The following SPNS3 variants were observed in gnomAD, a reference collection of about 807,000 sequenced individuals.
The protein encoded by SPNS3 is SPNS lysolipid transporter 3, sphingosine-1-phosphate (putative).
SPNS3 carries 51 observed loss-of-function variants against 54.4 expected under a neutral mutation model. That is an observed-to-expected ratio of 0.94 (90% CI 0.75 to 1.18). The LOEUF is 1.18. Ranked by LOEUF, SPNS3 falls within the 50% of genes most tolerant of loss-of-function variation. The pLI is 0.00. For missense variants in SPNS3, 669 were observed against 677.4 expected, an observed-to-expected ratio of 0.99 and a Z score of 0.14; for synonymous variants, 309 against 294.7, an observed-to-expected ratio of 1.05 and a Z score of -0.50.
chr17:4,452,866 G>A, intron 7 of SPNS3, 150 bp from the exon 8 acceptor site: 2 of 683,420 alleles, frequency 2.9e-6, no homozygotes, highest in Non-Finnish European at 4.9e-6. Flanking sequence ...GTAAGGTTCT[G>A]GGTCAGGTCA....
chr17:4,444,935 G>C, intron 2 of SPNS3, 97 bp from the exon 3 acceptor site: 1 of 1,405,090 alleles, frequency 7.1e-7, no homozygotes, highest in Non-Finnish European at 9.7e-7. Context: ...ATGCCAGCTT[G>C]TGGCATCTGA....
intron 4 of SPNS3, 23 bp downstream of exon 4, chr17:4,446,222 C>A: frequency 6.3e-7 from 1 of 1,593,296 alleles, no homozygotes; most frequent in Non-Finnish European, 8.6e-7. Flanking sequence ...CGTGGGTCTA[C>A]TTCCCCAGGT....
In SPNS3 at chr17:4,453,117, C is replaced by A; in HGVS notation, c.1025C>A (p.Pro342His). 1.2e-6 allele frequency: 2 copies of A among 1,614,050 alleles called. No individual in the cohort carries two copies. The highest frequency in any genetic ancestry group is 1.7e-6 in the Non-Finnish European group (2 of 1,180,012). ...AAGAAAGTCATTCCAGGAGCTGAGC[C>A]CCTCATCTGCGCCTCCAGCCTGCTT... ...RYKKVIPGAE[P>H]LICASSLLAT... Residue 342 changes from proline (P) to histidine (H), a missense_variant, in exon 8 of 12, where the codon CCC becomes CAC. Pro to His is a moderately conservative substitution (Grantham distance 77). Coordinates refer to ENST00000355530, the MANE Select transcript of SPNS3 (RefSeq NM_182538.5).
chr17:4,439,596 G>C (rs902123975), intron 1 of SPNS3, 62 bp from the exon 2 acceptor site: 4 of 1,530,678 alleles, frequency 2.6e-6, no homozygotes, highest in Non-Finnish European at 3.6e-6. Flanking sequence ...ACCTGGAGCA[G>C]CTGCCTTTAG....
intron 8 of SPNS3, among the ~76,000 whole-genome samples, chr17:4,471,506 C>G (rs929615546): frequency 3.9e-5 from 6 of 152,118 alleles, no homozygotes; most frequent in Non-Finnish European, 8.8e-5. Context: ...TACTCTGTCA[C>G]TCAGGCTGGA....
intron 8 of SPNS3, among the ~76,000 whole-genome samples, chr17:4,459,753 G>T (rs1971446046): frequency 6.6e-6 from 1 of 152,166 alleles, no homozygotes; most frequent in African/African-American, 2.4e-5. Flanking sequence ...AGATATAGCA[G>T]TGAATAAAAC....
chr17:4,473,012 C>T (rs1971899968), intron 8 of SPNS3, among the ~76,000 whole-genome samples: 1 of 151,970 alleles, frequency 6.6e-6, no homozygotes, highest in Non-Finnish European at 1.5e-5. Context: ...TGGTCTTGAA[C>T]TCCTGGGCTC....
intron 7 of SPNS3, among the ~76,000 whole-genome samples, chr17:4,452,811 G>C (rs563945967): frequency 6.6e-6 from 1 of 152,162 alleles, no homozygotes; most frequent in Non-Finnish European, 1.5e-5. Context: ...GGGTAGGGGA[G>C]AGCAGTGGGA....
chr17:4,443,067 T>C (rs1267924321), intron 2 of SPNS3, among the ~76,000 whole-genome samples: 2 of 140,388 alleles, frequency 1.4e-5, no homozygotes, highest in Non-Finnish European at 3.1e-5. Context: ...TTGTTGTTTG[T>C]TTGCTTTTTG....
At chr17:4,472,832 G>A (rs529759412) in intron 8 of SPNS3, among the ~76,000 whole-genome samples, 15 of 132,052 alleles carry the variant, frequency 1.1e-4, no homozygotes, top group Admixed American at 1.1e-3. Flanking sequence ...CACCCAGGCT[G>A]GAGTGCAGTG....
intron 2 of SPNS3, among the ~76,000 whole-genome samples, chr17:4,439,945 G>A (rs567434584): frequency 1.3e-5 from 2 of 152,282 alleles, no homozygotes; most frequent in Non-Finnish European, 1.5e-5. Context: ...GAGAGCAGGG[G>A]GAGGTGGGGC....
intron 9 of SPNS3, chr17:4,481,878 C>G (rs1972158832): frequency 6.8e-6 from 1 of 147,790 alleles, no homozygotes; most frequent in African/African-American, 2.5e-5. Context: ...ACACTGCTCT[C>G]TCTCTCTCTT....
intron 8 of SPNS3, among the ~76,000 whole-genome samples, chr17:4,472,865 T>G (rs957799743): frequency 1.5e-5 from 2 of 131,048 alleles, no homozygotes; most frequent in Admixed American, 1.9e-4. Flanking sequence ...CATGGCTCAC[T>G]GCAGCCTCAA....
chr17:4,437,812 A>T (rs1482826633), intron 1 of SPNS3, among the ~76,000 whole-genome samples: 1 of 146,006 alleles, frequency 6.8e-6, no homozygotes, highest in African/African-American at 2.5e-5. Context: ...TTGGAGACGG[A>T]GTCTCACTCT....
chr17:4,463,946 G>A (rs1415412702), intron 8 of SPNS3, among the ~76,000 whole-genome samples: 2 of 152,178 alleles, frequency 1.3e-5, no homozygotes, highest in East Asian at 3.9e-4. Flanking sequence ...TGCGTGGGAC[G>A]TGCCTGTGTG....
chr17:4,449,306 C>A lies in SPNS3; in HGVS notation c.842C>A (p.Ala281Asp). 1 of 1,612,404 alleles carries A rather than the reference C, an allele frequency of 6.2e-7. No homozygotes were observed. Among genetic ancestry groups the A allele is most frequent in the Non-Finnish European group, 8.5e-7 (1 of 1,179,882 alleles). The change falls in exon 7 of 12, where the codon GCC becomes GAC. Residue 281 changes from alanine (A) to aspartate (D), a missense_variant. Coordinates refer to ENST00000355530, the MANE Select transcript of SPNS3 (RefSeq NM_182538.5). Reference protein sequence around the residue: ...AFVTGALGFWAPKFLLEARVV... With the variant: ...AFVTGALGFWDPKFLLEARVV... ...GTGACTGGAGCCCTGGGGTTCTGGGCCCCCAAGTTTCTGCTCGAGGCACGC... is the reference window on the plus strand; with the variant it reads ...GTGACTGGAGCCCTGGGGTTCTGGGACCCCAAGTTTCTGCTCGAGGCACGC...
intron 1 of SPNS3, among the ~76,000 whole-genome samples, chr17:4,436,735 G>A (rs1203654496): frequency 6.6e-6 from 1 of 152,260 alleles, no homozygotes; most frequent in African/African-American, 2.4e-5. Flanking sequence ...CTTGGGCAAT[G>A]GGGAGCCATA....
intron 1 of SPNS3, among the ~76,000 whole-genome samples, chr17:4,439,040 G>C (rs1037454164): frequency 1.3e-5 from 2 of 152,100 alleles, no homozygotes; most frequent in East Asian, 1.9e-4. Flanking sequence ...ATGAAGAGGA[G>C]GGAAGGAGCC....
chr17:4,455,621 G>A (rs891848011), intron 8 of SPNS3, among the ~76,000 whole-genome samples: 3 of 152,052 alleles, frequency 2.0e-5, no homozygotes, highest in Admixed American at 1.3e-4. Context: ...TCCCTCCACG[G>A]TGTCCATCTG....
Sources: allele counts gnomAD v4.1 joint callset (sites outside exome capture counted in the v4.1 genomes callset), GRCh38; gene constraint gnomAD v4.1.1; transcripts MANE v1.5; gene names NCBI Gene and HGNC (gene_info 2026-07-23, HGNC 2026-07-21).